TLR1: variants seen among roughly 807,000 people sequenced by gnomAD.
TLR1 encodes the protein toll-like receptor 1.
Under a neutral mutation model 20.2 loss-of-function variants are expected in TLR1, and 19 were observed. The ratio of observed to expected loss-of-function variants is 0.94; its 90% CI spans 0.66 to 1.38. The LOEUF (loss-of-function observed/expected upper bound fraction) is 1.38, where lower values mean the gene tolerates loss of function less well. Among genes scored for constraint, TLR1 ranks in the 40% most tolerant of loss-of-function variants. The pLI, the probability that TLR1 is intolerant of heterozygous loss-of-function variation, is 0.00. For synonymous variants in TLR1, 320 were observed against 334.5 expected (o/e 0.96, Z 0.47); for missense variants, 921 against 910.0 (o/e 1.01, Z -0.16).
In TLR1 at chr4:38,796,519, G is replaced by T. The variant is rs748594696; in HGVS notation, c.2313C>A (p.Asn771Lys). ...EKSKRGLFWA[N>K]LRAAINIKLT... ...GCTTAATATTAATGGCTGCCCTTAA[G>T]TTAGCCCAAAAAAGGCCACGTTTGC... The change falls in exon 4 of 4, where the codon AAC (asparagine) becomes AAA (lysine). Residue 771 changes from asparagine (N) to lysine (K), a missense_variant. Coordinates refer to ENST00000308979, the MANE Select transcript of TLR1 (RefSeq NM_003263.4). 1.2e-6 allele frequency: 2 copies of T among 1,613,924 alleles called. No individual in the cohort carries two copies. The highest frequency in any genetic ancestry group is 1.7e-6 in the Non-Finnish European group (2 of 1,179,900).
At chr4:38,790,262 A>G (rs1304509782), downstream of TLR1, among the ~76,000 whole-genome samples, 2 of 152,250 alleles carry the variant, frequency 1.3e-5, no homozygotes, top group African/African-American at 4.8e-5. Flanking sequence ...TTCATCATCC[A>G]GTAGTTTCCC....
intron 2 of TLR1, among the ~76,000 whole-genome samples, chr4:38,802,979 A>G (rs1726775517): frequency 6.6e-6 from 1 of 152,142 alleles, no homozygotes; most frequent in African/African-American, 2.4e-5. Context: ...AAAGCTGTCC[A>G]TCTTTGCAGA....
chr4:38,803,309 A>T (rs1415139986), intron 2 of TLR1, among the ~76,000 whole-genome samples: 3 of 151,776 alleles, frequency 2.0e-5, no homozygotes, highest in African/African-American at 7.3e-5. Context: ...TCTCTCTCTT[A>T]CTCTAAAACT....
chr4:38,789,872 G>C (rs932742957), downstream of TLR1, among the ~76,000 whole-genome samples: 3 of 152,176 alleles, frequency 2.0e-5, no homozygotes, highest in African/African-American at 7.2e-5. Flanking sequence ...TCTATGTAAT[G>C]TTGGGCCTCA....
intron 2 of TLR1, among the ~76,000 whole-genome samples, chr4:38,802,823 C>G (rs1726761683): frequency 6.6e-6 from 1 of 152,196 alleles, no homozygotes; most frequent in Non-Finnish European, 1.5e-5. Context: ...GCCATGTAGA[C>G]ATAACATAGA....
chr4:38,802,440 T>C (rs1159133894), intron 2 of TLR1, among the ~76,000 whole-genome samples: 2 of 152,070 alleles, frequency 1.3e-5, no homozygotes, highest in Non-Finnish European at 2.9e-5. Flanking sequence ...AAGGGAAAAA[T>C]GTCTCCAATG....
downstream of TLR1, among the ~76,000 whole-genome samples, chr4:38,789,797 G>C (rs1725676235): frequency 6.6e-6 from 1 of 152,116 alleles, no homozygotes; most frequent in South Asian, 2.1e-4. Flanking sequence ...CAATATTTTG[G>C]CAGAGATTTA....
At chr4:38,789,538 A>G (rs930859780), downstream of TLR1, among the ~76,000 whole-genome samples, 3 of 151,566 alleles carry the variant, frequency 2.0e-5, no homozygotes, top group African/African-American at 4.9e-5. Context: ...CTAGAGTGCA[A>G]CGATGTGATC....
chr4:38,793,215 A>T (rs1490896918), downstream of TLR1, among the ~76,000 whole-genome samples: 2 of 152,112 alleles, frequency 1.3e-5, no homozygotes, highest in Non-Finnish European at 2.9e-5. Flanking sequence ...CAACAGTACC[A>T]CTTGGAAAGC....
At chr4:38,791,746 T>G (rs150713571), downstream of TLR1, among the ~76,000 whole-genome samples, 1,011 of 152,316 alleles carry the variant, frequency 6.6e-3, 9 homozygotes, top group African/African-American at 0.023. Flanking sequence ...AACTCTAACA[T>G]TTATTGAGCT....
intron 2 of TLR1, among the ~76,000 whole-genome samples, chr4:38,801,981 G>A (rs5743586): frequency 0.055 from 8,401 of 152,236 alleles, 406 homozygotes; most frequent in African/African-American, 0.13. Flanking sequence ...TGGATCACTT[G>A]AGGTCGGGAG....
chr4:38,801,136 T>C (rs1383517618), intron 2 of TLR1, among the ~76,000 whole-genome samples, 188 bp from the exon 3 acceptor site: 2 of 152,252 alleles, frequency 1.3e-5, no homozygotes, highest in Admixed American at 1.3e-4. Context: ...GTTTGTGCCC[T>C]GTGAAATTCT....
At chr4:38,791,691 T>A (rs1269163407), downstream of TLR1, among the ~76,000 whole-genome samples, 1 of 152,244 alleles carries the variant, frequency 6.6e-6, no homozygotes, top group Non-Finnish European at 1.5e-5. Context: ...TCCATATTTG[T>A]TGGTATAATA....
rs201013197 is a variant in TLR1 at position 38,797,440 on chromosome 4, G to A, written c.1392C>T (p.Val464=). 7.4e-5 allele frequency: 120 copies of A among 1,613,940 alleles called. No homozygotes were observed. Among genetic ancestry groups the A allele is most frequent in the Middle Eastern group, 3.3e-4 (2 of 6,076 alleles). The change falls in exon 4 of 4, where the codon GTC becomes GTT. Residue 464 remains valine, a synonymous_variant. Transcript: ENST00000308979. The stretch of plus-strand genomic sequence containing the variant: ...GTTCTTGCAAAGCTTCCAGTTTTAC[G>A]ACTTGTTTAGGAATGCTCTTTATTT... ...SNKIKSIPKQ[V]VKLEALQELN... is the part of the protein sequence containing the mutation.
At position 38,798,631 on chromosome 4, in the gene TLR1, T is replaced by G; in HGVS notation, c.201A>C (p.Ser67=). The change falls in exon 4 of 4, where the codon TCA becomes TCC. Residue 67 remains serine (S), a synonymous_variant. Transcript: ENST00000308979. The part of the protein sequence containing the change: ...ISELWTSDIL[S]LSKLRILIIS... Reference sequence around the variant, plus strand: ...TTATCAAAATCCTCAGTTTTGACAGTGATAAGATGTCAGAAGTCCAAAGCT... The same window carrying G: ...TTATCAAAATCCTCAGTTTTGACAGGGATAAGATGTCAGAAGTCCAAAGCT... The G allele has an allele frequency of 6.2e-7, 1 of 1,613,704 alleles. No individual in the cohort carries two copies. Among genetic ancestry groups the G allele is most frequent in the Non-Finnish European group, 8.5e-7 (1 of 1,179,732 alleles).
Position 38,798,017 on chromosome 4 carries a change from G to A in TLR1, c.815C>T (p.Thr272Ile), listed in dbSNP as rs200269582. ...GTTTGAAATTGAGAAATACCATACAGTTGTATGCCAAACCAGCTGGAGGAT... is the reference window on the plus strand; with the variant it reads ...GTTTGAAATTGAGAAATACCATACAATTGTATGCCAAACCAGCTGGAGGAT... ...IRILQLVWHT[T>I]VWYFSISNVK... The change falls in exon 4 of 4, where the codon ACT becomes ATT. Residue 272 changes from threonine to isoleucine, a missense_variant. Transcript: ENST00000308979. The A allele has an allele frequency of 6.2e-7, 1 of 1,614,126 alleles. No individual in the cohort carries two copies. Among genetic ancestry groups the A allele is most frequent in the Non-Finnish European group, 8.5e-7 (1 of 1,180,006 alleles).
downstream of TLR1, chr4:38,791,287 G>A (rs1448625225): frequency 3.9e-5 from 6 of 152,124 alleles, no homozygotes; most frequent in Admixed American, 3.9e-4. Flanking sequence ...AAAAGGAAGT[G>A]GTAACCCAAA....
At chr4:38,791,995 G>T (rs1289014405), downstream of TLR1, among the ~76,000 whole-genome samples, 1 of 152,176 alleles carries the variant, frequency 6.6e-6, no homozygotes, top group Non-Finnish European at 1.5e-5. Context: ...AGAGTGAATA[G>T]CCATGACCCT....
chr4:38,794,321 G>T (rs907720230), downstream of TLR1, among the ~76,000 whole-genome samples: 1 of 152,136 alleles, frequency 6.6e-6, no homozygotes, highest in Non-Finnish European at 1.5e-5. Context: ...TACATTTCAT[G>T]GTTTGAATTT....
Sources: gnomAD v4.1 joint callset for allele counts (sites outside exome capture counted in the v4.1 genomes callset) on GRCh38, gnomAD v4.1.1 for gene constraint, MANE v1.5 for transcripts, NCBI Gene and HGNC (gene_info 2026-07-23, HGNC 2026-07-21) for gene names.